XRCC3: variants seen among roughly 807,000 people sequenced by gnomAD.
XRCC3 encodes X-ray repair cross complementing 3, also known as DNA repair protein XRCC3.
XRCC3 carries 34 observed loss-of-function variants against 29.2 expected under a neutral mutation model. The observed-to-expected ratio is 1.16, with a 90% CI of 0.88 to 1.55. The LOEUF (loss-of-function observed/expected upper bound fraction) is 1.55. Among genes scored for constraint, XRCC3 ranks in the 40% most tolerant of loss-of-function variants. XRCC3 has a pLI of 0.00. For synonymous variants in XRCC3, 223 were observed against 211.3 expected (o/e 1.06, Z -0.48); for missense variants, 463 against 467.6 (o/e 0.99, Z 0.09).
Position 103,714,543 on chromosome 14 carries a change from G to A in XRCC3, c.-318+881C>T, listed in dbSNP as rs539382870. ...TCCCAGCTACTTGAGAGCCTGGGAG[G>A]TCGAGGTTGTGCCTAGCTGTGAAGA... is the stretch of plus-strand genomic sequence containing the variant. On this transcript the variant is annotated intron_variant, in intron 1 of 9. Coordinates refer to ENST00000555055, the MANE Select transcript of XRCC3 (RefSeq NM_005432.4). 2.0e-4 allele frequency among the ~76,000 whole-genome samples: 31 copies of A among 152,156 alleles called. No individual in the cohort carries two copies. In the South Asian group the frequency reaches 5.6e-3, roughly 28 times the overall value.
rs776306927 is a variant in XRCC3 at position 103,711,182 on chromosome 14, T to G, written c.-95A>C. ...AGGCACTCGCCTTCAATTCAAAGCC[T>G]GTGGGAGGCCCGAACCAGGGAAGTG... On this transcript the variant is annotated 5_prime_UTR_variant, in exon 4 of 10. Transcript: ENST00000555055. 1.1e-5 allele frequency: 15 copies of G among 1,413,210 alleles called. No homozygotes were observed. The highest frequency in any genetic ancestry group is 1.3e-5 in the Non-Finnish European group (13 of 1,003,430). 87.5% of individuals were successfully genotyped at this position (1,413,210 alleles called of 1,614,324 possible). A position where few individuals can be genotyped will look rare whatever the true frequency, so the allele number is the denominator to read the frequency against.
At chr14:103,710,857 C>CACAA in intron 4 of XRCC3, 176 bp downstream of exon 4, 1 of 416,472 alleles carries the variant, frequency 2.4e-6, no homozygotes, top group Non-Finnish European at 4.8e-6. Flanking sequence ...GTTAAGAACA[C>CACAA]ACACACACAC....
chr14:103,706,533 C>T, intron 6 of XRCC3: 1 of 404,354 alleles, frequency 2.5e-6, no homozygotes, highest in Admixed American at 2.7e-5. Flanking sequence ...GGCAGGCATG[C>T]TCTGAACGCT....
At chr14:103,704,421 T>C (rs1418484402) in intron 6 of XRCC3, 1 of 152,266 alleles carries the variant, frequency 6.6e-6, no homozygotes, top group Non-Finnish European at 1.5e-5. Flanking sequence ...TTTTAATTTT[T>C]GAGAGACAAG....
At chr14:103,706,629 G>A (rs3212060) in intron 6 of XRCC3, 87 of 384,882 alleles carry the variant, frequency 2.3e-4, no homozygotes, top group African/African-American at 1.6e-3. Context: ...GCCTGGCGGC[G>A]GGGCACCCGG....
Position 103,698,034 on chromosome 14 carries a change from C to G in XRCC3, c.*764G>C, listed in dbSNP as rs1465639284. The stretch of plus-strand genomic sequence containing the variant: ...AACCTCGGATCCTCTTTGCCCAGAA[C>G]TGTGTTCCCAGGTGGCTGACGAGCC... On this transcript the variant is annotated 3_prime_UTR_variant, in exon 10 of 10. Coordinates refer to ENST00000555055, the MANE Select transcript of XRCC3 (RefSeq NM_005432.4). 1 of 152,886 alleles carries G rather than the reference C, an allele frequency of 6.5e-6. No individual in the cohort carries two copies. Among genetic ancestry groups the G allele is most frequent in the East Asian group, 1.9e-4 (1 of 5,200 alleles). 9.5% of individuals were successfully genotyped at this position (152,886 alleles called of 1,614,324 possible).
chr14:103,711,031 A>C lies in XRCC3; in HGVS notation c.55+2T>G. On this transcript the variant is annotated splice_donor_variant, in intron 4 of 9. Coordinates refer to ENST00000555055, the MANE Select transcript of XRCC3 (RefSeq NM_005432.4). LOFTEE classifies it high-confidence loss of function. ...CCTTTATGTAAATAGAAATAAATGTACCTTTCTTAATTGCAGCAATAATTC... is the reference window on the plus strand; with the variant it reads ...CCTTTATGTAAATAGAAATAAATGTCCCTTTCTTAATTGCAGCAATAATTC... The C allele has an allele frequency of 6.2e-7, 1 of 1,614,076 alleles. No individual in the cohort carries two copies. The highest frequency in any genetic ancestry group is 1.3e-5 in the African/African-American group (1 of 75,038).
chr14:103,710,727 G>C (rs963835640), intron 4 of XRCC3: 1 of 346,590 alleles, frequency 2.9e-6, no homozygotes, highest in African/African-American at 2.2e-5. Context: ...GGGTGACAGA[G>C]CGAGACCCCG....
intron 1 of XRCC3, among the ~76,000 whole-genome samples, chr14:103,715,183 G>A (rs1051344593): frequency 2.0e-5 from 3 of 152,070 alleles, no homozygotes; most frequent in Non-Finnish European, 4.4e-5. Context: ...TCCCCGCTCC[G>A]AACGCACGCG....
chr14:103,714,988 G>A (rs114065969), intron 1 of XRCC3, among the ~76,000 whole-genome samples: 2,612 of 152,316 alleles, frequency 0.017, 67 homozygotes, highest in African/African-American at 0.056. Context: ...CCGGCCTAAA[G>A]GATTTTCTTT....
chr14:103,708,550 T>A lies in XRCC3; in HGVS notation c.165A>T (p.Leu55Phe). Residue 55 changes from leucine (L) to phenylalanine (F), a missense_variant, in exon 5 of 10, where the codon TTA becomes TTT. Coordinates refer to ENST00000555055, the MANE Select transcript of XRCC3 (RefSeq NM_005432.4). ...EVWHLLRTASLHLRGSSILTA... is the reference protein window; with the variant it reads ...EVWHLLRTASFHLRGSSILTA... Reference sequence around the variant, plus strand: ...TAAGGATGCTGCTTCCCCGCAAGTGTAAGGAGGCCGTTCTCAGCAAGTGCC... The same window carrying A: ...TAAGGATGCTGCTTCCCCGCAAGTGAAAGGAGGCCGTTCTCAGCAAGTGCC... The A allele has an allele frequency of 6.2e-7, 1 of 1,613,984 alleles. No homozygotes were observed. Among genetic ancestry groups the A allele is most frequent in the Middle Eastern group, 1.6e-4 (1 of 6,062 alleles).
At chr14:103,711,720 G>A (rs535605316) in intron 2 of XRCC3, 153 bp from the exon 3 acceptor site, 1 of 456,192 alleles carries the variant, frequency 2.2e-6, no homozygotes, top group East Asian at 7.0e-5. Flanking sequence ...GAAGGGAGCT[G>A]GCAGCCATTC....
intron 8 of XRCC3, 83 bp downstream of exon 8, chr14:103,699,281 C>T: frequency 6.5e-7 from 1 of 1,541,632 alleles, no homozygotes; most frequent in Non-Finnish European, 8.7e-7. Flanking sequence ...TCACTGCCAC[C>T]CGCCCCACCT....
At chr14:103,706,474 A>C (rs1219572989) in intron 6 of XRCC3, 2 of 445,918 alleles carry the variant, frequency 4.5e-6, no homozygotes, top group African/African-American at 4.0e-5. Context: ...TCTCCTCCTC[A>C]CAGCTCACAG....
chr14:103,702,067 C>T (rs1437430979), intron 7 of XRCC3: 3 of 152,290 alleles, frequency 2.0e-5, no homozygotes, highest in Non-Finnish European at 1.5e-5. Flanking sequence ...TCACTTCTCC[C>T]TCCCAGGATG....
intron 7 of XRCC3, chr14:103,701,415 G>A (rs1444432618): frequency 1.4e-5 from 7 of 499,340 alleles, no homozygotes; most frequent in East Asian, 6.2e-5. Flanking sequence ...CTGGTGCGGC[G>A]TGGTCTCTCC....
chr14:103,708,214 CTGA>C (rs2083505439), intron 5 of XRCC3: 1 of 443,900 alleles, frequency 2.3e-6, no homozygotes, highest in Non-Finnish European at 4.2e-6. Flanking sequence ...CTGCCAGAGC[CTGA>C]AGGGCTCTGG....
chr14:103,705,916 C>G (rs3212064), intron 6 of XRCC3: 7,441 of 189,794 alleles, frequency 0.039, 529 homozygotes, highest in African/African-American at 0.16. Context: ...CTCTTCCGTG[C>G]GGTAAGCGGG....
intron 2 of XRCC3, chr14:103,711,859 G>A (rs922171443): frequency 2.1e-5 from 8 of 372,356 alleles, no homozygotes; most frequent in East Asian, 7.3e-5. Flanking sequence ...ATCCCCTGTC[G>A]GCCTCCCAAA....
Sources: gnomAD v4.1 joint callset for allele counts (sites outside exome capture counted in the v4.1 genomes callset) on GRCh38, gnomAD v4.1.1 for gene constraint, MANE v1.5 for transcripts, NCBI Gene and HGNC (gene_info 2026-07-23, HGNC 2026-07-21) for gene names.